The following RNASEL variants were observed in gnomAD, a reference collection of about 807,000 sequenced individuals.
The protein encoded by RNASEL is ribonuclease L.
In RNASEL, 36 loss-of-function variants were observed where a neutral mutation model predicts 50.9. The observed-to-expected ratio is 0.71, with a 90% CI of 0.54 to 0.93. RNASEL has a LOEUF of 0.93. Among genes scored for constraint, RNASEL ranks in the 40% least tolerant of loss-of-function variants. The probability of loss-of-function intolerance (pLI) is 0.00; values close to 1 mark genes in which losing one functional copy is unlikely to be tolerated. For synonymous variants in RNASEL, 335 were observed against 335.6 expected (o/e 1.00, Z 0.02); for missense variants, 860 against 894.5 (o/e 0.96, Z 0.49).
At position 182,574,166 on chromosome 1, in the gene RNASEL, G is replaced by A. The variant is rs1661340416; in HGVS notation, c.*1226C>T. 4.5e-6 allele frequency: 1 copy of A among 222,698 alleles called. No homozygotes were observed. The highest frequency in any genetic ancestry group is 1.8e-4 in the South Asian group (1 of 5,420). 13.8% of individuals were successfully genotyped at this position (222,698 alleles called of 1,614,324 possible). ...AGTATTATTATTCATGTACGAAGAT[G>A]GTTCATTCATTATTCAATGAATATT... On this transcript the variant is annotated 3_prime_UTR_variant, in exon 7 of 7. Transcript: ENST00000367559.
Position 182,586,980 on chromosome 1 carries a change from AAG to A in RNASEL, c.-164-12_-164-11del. 1.3e-6 allele frequency: 1 copy of A among 740,780 alleles called. No homozygotes were observed. Among genetic ancestry groups the A allele is most frequent in the Non-Finnish European group, 2.2e-6 (1 of 445,938 alleles). The allele number at this position is 740,780 out of a possible 1,614,324, so 45.9% of individuals were successfully genotyped here. A position where few individuals can be genotyped will look rare whatever the true frequency, so the allele number is the denominator to read the frequency against. ...TCTTCTGACATTCCACCTGGCAACGAAGAGAGGTGCTTTGTAATTTTACAATA... is the reference window on the plus strand; with the variant it reads ...TCTTCTGACATTCCACCTGGCAACGAAGAGGTGCTTTGTAATTTTACAATA... On this transcript the variant is annotated splice_polypyrimidine_tract_variant and intron_variant, in intron 1 of 6. Transcript: ENST00000367559.
At chr1:182,582,684 T>C (rs1178539165) in intron 3 of RNASEL, among the ~76,000 whole-genome samples, 1 of 151,998 alleles carries the variant, frequency 6.6e-6, no homozygotes, top group East Asian at 1.9e-4. Flanking sequence ...AGAGGCAAAG[T>C]GATGACCCCA....
chr1:182,586,952 C>A lies in RNASEL; in HGVS notation c.-146G>T. On this transcript the variant is annotated 5_prime_UTR_variant, in exon 2 of 7. An upstream open reading frame in the 5' UTR loses its in-frame stop. Coordinates refer to ENST00000367559, the MANE Select transcript of RNASEL (RefSeq NM_021133.4). ...CAGTATGAAGAAGGAACAATGTTCT[C>A]AGTCTTCTGACATTCCACCTGGCAA... is the stretch of plus-strand genomic sequence containing the variant. The A allele has an allele frequency of 9.4e-7, 1 of 1,069,318 alleles. No individual in the cohort carries two copies. The allele number at this position is 1,069,318 out of a possible 1,614,324, so 66.2% of individuals were successfully genotyped here. A position where few individuals can be genotyped will look rare whatever the true frequency, so the allele number is the denominator to read the frequency against.
chr1:182,586,743 C>A lies in RNASEL; in HGVS notation c.64G>T (p.Ala22Ser), dbSNP rs1328809772. 6.2e-7 allele frequency: 1 copy of A among 1,614,258 alleles called. No homozygotes were observed. The highest frequency in any genetic ancestry group is 1.3e-5 in the African/African-American group (1 of 75,062). Residue 22 changes from alanine to serine, a missense_variant, in exon 2 of 7, where the codon GCA becomes TCA. Coordinates refer to ENST00000367559, the MANE Select transcript of RNASEL (RefSeq NM_021133.4). ...GPTSSSGRRA[A>S]VEDNHLLIKA... Reference sequence around the variant, plus strand: ...ATCAGCAAGTGATTGTCTTCCACTGCAGCCCTTCTACCGCTGGAGGACGTG... The same window carrying A: ...ATCAGCAAGTGATTGTCTTCCACTGAAGCCCTTCTACCGCTGGAGGACGTG...
In RNASEL at chr1:182,584,360, T is replaced by A. The variant is rs76367015; in HGVS notation, c.1481-194A>T. ...GCACTGTTTCATTTGATCTGTTAGGTATCTGCCAAGAGCAGCACTTACATT... is the reference window on the plus strand; with the variant it reads ...GCACTGTTTCATTTGATCTGTTAGGAATCTGCCAAGAGCAGCACTTACATT... On this transcript the variant is annotated intron_variant, in intron 2 of 6. Coordinates refer to ENST00000367559, the MANE Select transcript of RNASEL (RefSeq NM_021133.4). Among the ~76,000 whole-genome samples the A allele has an allele frequency of 4.6e-3, 696 of 152,314 alleles. 1 individual carries two copies. Among genetic ancestry groups the A allele is most frequent in the African/African-American group, 0.016 (655 of 41,554 alleles).
rs1182897456 is a variant in RNASEL at position 182,586,479 on chromosome 1, G to C, written c.328C>G (p.Leu110Val). 2 of 1,613,102 alleles carry C rather than the reference G, an allele frequency of 1.2e-6. No individual in the cohort carries two copies. The highest frequency in any genetic ancestry group is 1.7e-5 in the Admixed American group (1 of 59,930). ...ACATCTGCTCCTTTAGAAAGGAAAA[G>C]TTTCAGCAGCTTCACGCTCCCCGCA... Reference protein sequence around the residue: ...AIAGSVKLLKLFLSKGADVNE... With the variant: ...AIAGSVKLLKVFLSKGADVNE... The change falls in exon 2 of 7, where the codon CTT becomes GTT. Residue 110 changes from leucine (L) to valine (V), a missense_variant. Transcript: ENST00000367559.
chr1:182,587,604 T>C (rs1366506913), intron 1 of RNASEL, among the ~76,000 whole-genome samples: 2 of 134,104 alleles, frequency 1.5e-5, no homozygotes, highest in Non-Finnish European at 3.1e-5. Flanking sequence ...TTACCAGAGA[T>C]AGGTGGCTTC....
At chr1:182,582,737 G>A (rs555981497) in intron 3 of RNASEL, among the ~76,000 whole-genome samples, 3 of 152,232 alleles carry the variant, frequency 2.0e-5, no homozygotes, top group South Asian at 2.1e-4. Context: ...GAAGAAGGTC[G>A]CCTAAGGAAC....
At position 182,585,749 on chromosome 1, in the gene RNASEL, A is replaced by G; in HGVS notation, c.1058T>C (p.Ile353Thr). The G allele has an allele frequency of 6.2e-7, 1 of 1,614,116 alleles. No individual in the cohort carries two copies. The highest frequency in any genetic ancestry group is 8.5e-7 in the Non-Finnish European group (1 of 1,180,034). Residue 353 changes from isoleucine (I) to threonine (T), a missense_variant, in exon 2 of 7, where the codon ATA becomes ACA. Ile to Thr is a moderately conservative substitution (Grantham distance 89). Transcript: ENST00000367559. ...GAGTTTGCCAATCATAGGGCGGTAT[A>G]TTCTGTGGAGATCCTTCAGGGCTGC... Reference protein sequence around the residue: ...WGAALKDLHRIYRPMIGKLKF... With the variant: ...WGAALKDLHRTYRPMIGKLKF...
In RNASEL at chr1:182,579,611, A is replaced by G. The variant is rs759692156; in HGVS notation, c.1905+1614T>C. 9.4e-5 allele frequency: 109 copies of G among 1,158,750 alleles called. 1 individual carries two copies. In the Middle Eastern group the frequency reaches 1.6e-3, roughly 17 times the overall value. 71.8% of individuals were successfully genotyped at this position (1,158,750 alleles called of 1,614,324 possible). On this transcript the variant is annotated intron_variant, in intron 5 of 6. Coordinates refer to ENST00000367559, the MANE Select transcript of RNASEL (RefSeq NM_021133.4). ...CTATGCTGACAAAATTAATTGTGTG[A>G]CCATGAAAATGGGCAAGTCAACAGA...
chr1:182,581,396 C>T (rs766182952), intron 4 of RNASEL, 39 bp from the exon 5 acceptor site: 9 of 1,613,032 alleles, frequency 5.6e-6, no homozygotes, highest in South Asian at 5.5e-5. Flanking sequence ...CATGATCATC[C>T]CATCCCTCCC....
intron 1 of RNASEL, among the ~76,000 whole-genome samples, chr1:182,588,595 T>C (rs943975046): frequency 1.6e-4 from 25 of 152,344 alleles, no homozygotes; most frequent in African/African-American, 6.0e-4. Flanking sequence ...AATAACTGCA[T>C]CTGCTATAGA....
In RNASEL at chr1:182,585,499, G is replaced by A. The variant is rs200211031; in HGVS notation, c.1308C>T (p.Leu436=). ...HRGHLFVCVT[L]CEQTLEACLD... ...AACACGCTTCCAGAGTCTGCTCACA[G>A]AGGGTGACACACACAAACAAGTGGC... The change falls in exon 2 of 7, where the codon CTC becomes CTT. Residue 436 remains leucine, a synonymous_variant. Transcript: ENST00000367559. 8.2e-5 allele frequency: 133 copies of A among 1,614,038 alleles called. No individual in the cohort carries two copies. The highest frequency in any genetic ancestry group is 1.1e-4 in the Non-Finnish European group (128 of 1,180,026).
At position 182,580,412 on chromosome 1, in the gene RNASEL, G is replaced by A. The variant is rs75640912; in HGVS notation, c.1905+813C>T. On this transcript the variant is annotated intron_variant, in intron 5 of 6. Coordinates refer to ENST00000367559, the MANE Select transcript of RNASEL (RefSeq NM_021133.4). ...GAAGCAGAGTCCCAGGTCAGGTCTA[G>A]GATAGGAAGCTGTTGGTTTCCAAGA... Among the ~76,000 whole-genome samples, 254 of 152,314 alleles carry A rather than the reference G, an allele frequency of 1.7e-3. 1 individual carries two copies. Among genetic ancestry groups the A allele is most frequent in the African/African-American group, 5.5e-3 (230 of 41,578 alleles).
rs568747445 is a variant in RNASEL, at chr1:182,574,869, CTA to C, written c.*521_*522del. On this transcript the variant is annotated 3_prime_UTR_variant, in exon 7 of 7. Transcript: ENST00000367559. The stretch of plus-strand genomic sequence containing the variant: ...TGAATGAATGAGATTCCTGGAACCC[CTA>C]TATATGTTTTGGGCCTCATCTGGAA... 1.0e-4 allele frequency: 24 copies of C among 239,166 alleles called. No homozygotes were observed. The South Asian group carries it at 3.8e-3, about 38-fold the overall frequency. The allele number at this position is 239,166 out of a possible 1,614,324, so 14.8% of individuals were successfully genotyped here. A position where few individuals can be genotyped will look rare whatever the true frequency, so the allele number is the denominator to read the frequency against.
At chr1:182,581,856 T>C (rs1661503450) in intron 4 of RNASEL, among the ~76,000 whole-genome samples, 197 bp downstream of exon 4, 1 of 152,160 alleles carries the variant, frequency 6.6e-6, no homozygotes, top group African/African-American at 2.4e-5. Flanking sequence ...AGCATCTCTT[T>C]TTTTCCCCTC....
At position 182,574,514 on chromosome 1, in the gene RNASEL, C is replaced by G. The variant is rs1356124318; in HGVS notation, c.*878G>C. The G allele has an allele frequency of 4.3e-6, 1 of 232,198 alleles. No homozygotes were observed. The highest frequency in any genetic ancestry group is 6.1e-5 in the East Asian group (1 of 16,434). The allele number at this position is 232,198 out of a possible 1,614,324, so 14.4% of individuals were successfully genotyped here. The stretch of plus-strand genomic sequence containing the variant: ...CCTGGGCCTTAAGCTAGTTCAAAAG[C>G]ATCCCAGCCCCTTAAGTCAGGTTTT... On this transcript the variant is annotated 3_prime_UTR_variant, in exon 7 of 7. Coordinates refer to ENST00000367559, the MANE Select transcript of RNASEL (RefSeq NM_021133.4).
intron 1 of RNASEL, among the ~76,000 whole-genome samples, chr1:182,587,615 C>CA (rs34085847): frequency 0.26 from 24,163 of 93,688 alleles, 2,408 homozygotes; most frequent in East Asian, 0.54. Context: ...AGGTGGCTTC[C>CA]AAAAAAAAAA....
Position 182,586,149 on chromosome 1 carries a change from C to T in RNASEL, c.658G>A (p.Ala220Thr), listed in dbSNP as rs1166754136. The T allele has an allele frequency of 1.2e-6, 2 of 1,614,210 alleles. No homozygotes were observed. Among genetic ancestry groups the T allele is most frequent in the Non-Finnish European group, 1.7e-6 (2 of 1,180,032 alleles). Residue 220 changes from alanine (A) to threonine (T), a missense_variant, in exon 2 of 7, where the codon GCT becomes ACT. Transcript: ENST00000367559. ...TGGTCCAGCAGCAGATGCGTAATAG[C>T]CTCCACATCACTATCGTCAGAGCTC... is the stretch of plus-strand genomic sequence containing the variant. ...LLSSDDSDVE[A>T]ITHLLLDHGA...
Sources: gnomAD v4.1 joint callset for allele counts (sites outside exome capture counted in the v4.1 genomes callset) on GRCh38, gnomAD v4.1.1 for gene constraint, MANE v1.5 for transcripts, NCBI Gene and HGNC (gene_info 2026-07-23, HGNC 2026-07-21) for gene names.